The following ARB2A variants were observed in gnomAD, a reference collection of about 807,000 sequenced individuals.
ARB2A encodes the protein cotranscriptional regulator ARB2A.
At chr5:93,768,635 C>A in the ARB2A span, among the ~76,000 whole-genome samples, 1 of 151,750 alleles carries the variant, frequency 6.6e-6, no homozygotes, top group African/African-American at 2.4e-5. Flanking sequence ...ATCTGGAATG[C>A]AGTGGTAAGA....
chr5:94,046,721 T>G, the ARB2A span, among the ~76,000 whole-genome samples: 106 of 152,058 alleles, frequency 7.0e-4, no homozygotes, highest in African/African-American at 2.5e-3. Flanking sequence ...TAAATTCACT[T>G]TTTTTTTGTA....
the ARB2A span, among the ~76,000 whole-genome samples, chr5:93,903,957 T>G: frequency 6.6e-6 from 1 of 151,998 alleles, no homozygotes; most frequent in Non-Finnish European, 1.5e-5. Flanking sequence ...AGTCTTAGCC[T>G]GTGTTTTCAC....
the ARB2A span, among the ~76,000 whole-genome samples, chr5:93,879,756 T>G: frequency 6.6e-6 from 1 of 151,914 alleles, no homozygotes; most frequent in South Asian, 2.1e-4. Context: ...ATATCTGAGA[T>G]AGATGCTTAA....
the ARB2A span, among the ~76,000 whole-genome samples, chr5:93,686,845 A>C: frequency 6.6e-6 from 1 of 151,828 alleles, no homozygotes; most frequent in Non-Finnish European, 1.5e-5. Context: ...GTTATCATTT[A>C]AAAGTTAAAA....
chr5:94,054,782 T>C, the ARB2A span, among the ~76,000 whole-genome samples: 1 of 152,222 alleles, frequency 6.6e-6, no homozygotes, highest in Non-Finnish European at 1.5e-5. Flanking sequence ...TCTTCATCCA[T>C]TTACACATTT....
the ARB2A span, among the ~76,000 whole-genome samples, chr5:93,871,972 G>A: frequency 2.1e-5 from 3 of 145,718 alleles, no homozygotes; most frequent in African/African-American, 5.1e-5. Context: ...TTTTTGAGTC[G>A]GAGTCTCGGT....
chr5:93,879,296 C>G, the ARB2A span, among the ~76,000 whole-genome samples: 1 of 151,950 alleles, frequency 6.6e-6, no homozygotes, highest in Non-Finnish European at 1.5e-5. Context: ...CACATCTCTG[C>G]TATTTTGCAA....
At chr5:94,013,431 C>T in the ARB2A span, among the ~76,000 whole-genome samples, 1 of 152,232 alleles carries the variant, frequency 6.6e-6, no homozygotes, top group South Asian at 2.1e-4. Flanking sequence ...CTGCCTCAGC[C>T]TCCCAAAGTG....
At chr5:94,021,337 C>T in the ARB2A span, among the ~76,000 whole-genome samples, 1 of 152,190 alleles carries the variant, frequency 6.6e-6, no homozygotes, top group Non-Finnish European at 1.5e-5. Flanking sequence ...CCTACTGCCA[C>T]ATATGTGTGC....
the ARB2A span, among the ~76,000 whole-genome samples, chr5:93,807,062 A>C: frequency 6.6e-6 from 1 of 152,104 alleles, no homozygotes; most frequent in East Asian, 1.9e-4. Context: ...GCTTTGATGA[A>C]ACAGAAAACT....
the ARB2A span, among the ~76,000 whole-genome samples, chr5:93,980,970 C>T: frequency 6.6e-6 from 1 of 152,168 alleles, no homozygotes; most frequent in South Asian, 2.1e-4. Context: ...AGCTTTTCCC[C>T]TAAAATATTT....
chr5:93,749,534 T>C, the ARB2A span, among the ~76,000 whole-genome samples: 2 of 152,208 alleles, frequency 1.3e-5, no homozygotes, highest in Non-Finnish European at 2.9e-5. Context: ...GTTTTAAGAA[T>C]ATAAATTATT....
the ARB2A span, chr5:93,740,317 T>A: frequency 2.4e-6 from 1 of 418,850 alleles, no homozygotes; most frequent in Non-Finnish European, 4.2e-6. Flanking sequence ...ATCGAAACCA[T>A]CTATATACTG....
chr5:93,930,800 TGA>T, the ARB2A span, among the ~76,000 whole-genome samples: 1 of 152,226 alleles, frequency 6.6e-6, no homozygotes, highest in Non-Finnish European at 1.5e-5. Context: ...TAAAAATTGT[TGA>T]CATTTCCATG....
the ARB2A span, among the ~76,000 whole-genome samples, chr5:94,089,227 T>C: frequency 6.6e-6 from 1 of 152,206 alleles, no homozygotes; most frequent in Non-Finnish European, 1.5e-5. Context: ...AGAGTTAAAC[T>C]TCCTTTCACT....
chr5:93,751,779 A>G, the ARB2A span, among the ~76,000 whole-genome samples: 2 of 152,218 alleles, frequency 1.3e-5, no homozygotes, highest in Non-Finnish European at 2.9e-5. Flanking sequence ...TTTGGCCAGC[A>G]GACAGATTTA....
At chr5:93,984,895 T>A in the ARB2A span, among the ~76,000 whole-genome samples, 1 of 152,338 alleles carries the variant, frequency 6.6e-6, no homozygotes, top group South Asian at 2.1e-4. Context: ...AGTTCTGTAT[T>A]GTAAAATTCA....
chr5:93,728,957 G>A, the ARB2A span, among the ~76,000 whole-genome samples: 1 of 151,864 alleles, frequency 6.6e-6, no homozygotes, highest in African/African-American at 2.4e-5. Context: ...ATTATATACT[G>A]AGAACTATAT....
chr5:94,007,287 T>G, the ARB2A span, among the ~76,000 whole-genome samples: 1 of 152,124 alleles, frequency 6.6e-6, no homozygotes, highest in African/African-American at 2.4e-5. Flanking sequence ...TGGTAAAGAT[T>G]AAAAGTATAA....
Sources: allele counts gnomAD v4.1 joint callset (sites outside exome capture counted in the v4.1 genomes callset), GRCh38; gene constraint gnomAD v4.1.1; transcripts MANE v1.5; gene names NCBI Gene and HGNC (gene_info 2026-07-23, HGNC 2026-07-21).